KLF8: variants seen among roughly 807,000 people sequenced by gnomAD.
KLF8 encodes the protein Krueppel-like factor 8.
A neutral mutation model predicts 18.2 loss-of-function variants in KLF8; 10 were observed. That is an observed-to-expected ratio of 0.55 (90% CI 0.34 to 0.93). The LOEUF is 0.93. Among genes scored for constraint, KLF8 ranks in the 40% least tolerant of loss-of-function variants. The pLI is 0.02. For missense variants in KLF8, 264 were observed against 277.9 expected (o/e 0.95, Z 0.36); for synonymous variants, 109 against 97.3 (o/e 1.12, Z -0.71).
At chrX:56,040,067 AT>A in the KLF8 span, among the ~76,000 whole-genome samples, 1 of 111,306 alleles carries the variant, frequency 9.0e-6, no homozygotes, top group Non-Finnish European at 1.9e-5. Context: ...ATTTTTGCAC[AT>A]TGCTTTTGTA....
At chrX:55,974,824 C>A in the KLF8 span, among the ~76,000 whole-genome samples, 3 of 112,158 alleles carry the variant, frequency 2.7e-5, no homozygotes, top group African/African-American at 9.7e-5. Flanking sequence ...ATTTAATCTG[C>A]AGACTACCTT....
At chrX:56,039,678 G>C in the KLF8 span, among the ~76,000 whole-genome samples, 1 of 111,611 alleles carries the variant, frequency 9.0e-6, no homozygotes, top group Non-Finnish European at 1.9e-5. Context: ...CCCCAGTTTT[G>C]TTCTGTTTGC....
chrX:56,199,961 C>T, the KLF8 span, among the ~76,000 whole-genome samples: 1 of 111,194 alleles, frequency 9.0e-6, no homozygotes, highest in Non-Finnish European at 1.9e-5. Context: ...AGCCATCATT[C>T]TCAGGAAACT....
rs1277687325 is a variant in KLF8 at position 56,290,069 on chromosome X, A to G, written c.*5575A>G. Among the ~76,000 whole-genome samples, 1 of 111,920 alleles carries G rather than the reference A, an allele frequency of 8.9e-6. No individual in the cohort carries two copies. The highest frequency in any genetic ancestry group is 2.8e-4 in the East Asian group (1 of 3,569). On this transcript the variant is annotated 3_prime_UTR_variant, in exon 6 of 6. Transcript: ENST00000468660. ...CTGGGTGGGCCAAATTTAAATAAAC[A>G]CATAGCACTATCTTTTCTCACTGTT...
chrX:56,263,627 T>C (rs772222973), intron 2 of KLF8, among the ~76,000 whole-genome samples: 3 of 111,719 alleles, frequency 2.7e-5, no homozygotes, highest in East Asian at 5.6e-4. Flanking sequence ...CTGCCACTTA[T>C]TGCTCTCTGA....
At chrX:56,088,117 C>CT in the KLF8 span, among the ~76,000 whole-genome samples, 1 of 111,224 alleles carries the variant, frequency 9.0e-6, no homozygotes, top group Non-Finnish European at 1.9e-5. Flanking sequence ...GAAATATGGT[C>CT]TTTTTTGGAA....
chrX:56,190,768 G>T, the KLF8 span, among the ~76,000 whole-genome samples: 25 of 111,299 alleles, frequency 2.2e-4, no homozygotes, highest in Admixed American at 2.4e-3. Context: ...AACATTTCTT[G>T]AAAGAAGTGA....
the KLF8 span, chrX:55,908,715 CCAAGAG>C: frequency 2.5e-5 from 7 of 285,404 alleles, no homozygotes; most frequent in South Asian, 1.5e-3. Context: ...GACCCCGGGT[CCAAGAG>C]CTCAATCCCG....
the KLF8 span, among the ~76,000 whole-genome samples, chrX:56,110,199 G>A: frequency 9.0e-6 from 1 of 111,638 alleles, no homozygotes; most frequent in African/African-American, 3.2e-5. Context: ...GGGCATTTGG[G>A]TTGATTCCAT....
the KLF8 span, among the ~76,000 whole-genome samples, chrX:56,126,013 T>G: frequency 8.9e-6 from 1 of 112,109 alleles, no homozygotes; most frequent in Admixed American, 9.4e-5. Flanking sequence ...GTTTTGTGAT[T>G]AATGGTAACT....
chrX:56,030,846 C>A, the KLF8 span, among the ~76,000 whole-genome samples: 2 of 108,857 alleles, frequency 1.8e-5, no homozygotes, highest in Admixed American at 9.9e-5. Context: ...GGAGTGAGGA[C>A]CTTCCTTAAC....
At chrX:55,939,050 A>T in the KLF8 span, among the ~76,000 whole-genome samples, 1 of 112,034 alleles carries the variant, frequency 8.9e-6, no homozygotes, top group Non-Finnish European at 1.9e-5. Flanking sequence ...AGAACTCTAC[A>T]CCCCAAATCA....
chrX:56,247,528 C>T (rs2066638785), intron 1 of KLF8, among the ~76,000 whole-genome samples: 1 of 111,973 alleles, frequency 8.9e-6, no homozygotes, highest in Admixed American at 9.4e-5. Flanking sequence ...AACACAAATC[C>T]TGTACAGCTG....
the KLF8 span, among the ~76,000 whole-genome samples, chrX:56,094,404 A>G: frequency 9.0e-6 from 1 of 111,293 alleles, no homozygotes; most frequent in African/African-American, 3.3e-5. Context: ...AAATTATCCA[A>G]TTAAACATAA....
the KLF8 span, among the ~76,000 whole-genome samples, chrX:56,003,760 TA>T: frequency 1.8e-5 from 2 of 112,363 alleles, no homozygotes; most frequent in Non-Finnish European, 3.8e-5. Flanking sequence ...AACAACTGTT[TA>T]AAACAGATCT....
the KLF8 span, among the ~76,000 whole-genome samples, chrX:56,103,233 T>A: frequency 9.0e-6 from 1 of 110,660 alleles, no homozygotes; most frequent in Non-Finnish European, 1.9e-5. Flanking sequence ...AGTAGTTTTT[T>A]CCAATTCTGT....
the KLF8 span, among the ~76,000 whole-genome samples, chrX:56,119,380 C>CA: frequency 9.0e-6 from 1 of 110,889 alleles, no homozygotes; most frequent in African/African-American, 3.3e-5. Flanking sequence ...CTGGCTGTGA[C>CA]AGAGCAATCA....
At chrX:55,956,009 A>G in the KLF8 span, among the ~76,000 whole-genome samples, 1 of 111,162 alleles carries the variant, frequency 9.0e-6, no homozygotes, top group East Asian at 2.8e-4. Context: ...ACCAGTTTCA[A>G]TAGTTCCCAC....
the KLF8 span, among the ~76,000 whole-genome samples, chrX:55,993,491 G>A: frequency 8.9e-6 from 1 of 111,977 alleles, no homozygotes; most frequent in Admixed American, 9.5e-5. Flanking sequence ...TTGTGTTACT[G>A]GATGTGGACT....
Sources: gnomAD v4.1 joint callset for allele counts (sites outside exome capture counted in the v4.1 genomes callset) on GRCh38, gnomAD v4.1.1 for gene constraint, MANE v1.5 for transcripts, NCBI Gene and HGNC (gene_info 2026-07-23, HGNC 2026-07-21) for gene names.